The following PTPRN2 variants were observed in gnomAD, a reference collection of about 807,000 sequenced individuals.
PTPRN2 encodes the protein protein tyrosine phosphatase receptor type N2, also known as receptor-type tyrosine-protein phosphatase N2.
In PTPRN2, 74 loss-of-function variants were observed where a neutral mutation model predicts 118.8. The observed-to-expected ratio is 0.62, with a 90% CI of 0.52 to 0.76. The LOEUF is 0.76. Ranked by LOEUF, PTPRN2 falls within the 30% of genes least tolerant of loss-of-function variation. The pLI is 0.00. For synonymous variants in PTPRN2, 641 were observed against 608.0 expected (o/e 1.05, Z -0.80); for missense variants, 1,481 against 1,394.4 (o/e 1.06, Z -0.99).
intron 1 of PTPRN2, among the ~76,000 whole-genome samples, chr7:158,540,691 CG>C (rs1378624333): frequency 6.6e-6 from 1 of 152,196 alleles, no homozygotes; most frequent in Non-Finnish European, 1.5e-5. Context: ...CAGGGCCCAC[CG>C]TGTGTGTCTG....
chr7:158,402,647 T>C (rs1181859327), intron 2 of PTPRN2, among the ~76,000 whole-genome samples: 1 of 152,206 alleles, frequency 6.6e-6, no homozygotes, highest in African/African-American at 2.4e-5. Context: ...CCATGCGGCC[T>C]TGGGCAAGCC....
chr7:158,140,114 A>C (rs1819236035), intron 6 of PTPRN2, among the ~76,000 whole-genome samples: 1 of 152,224 alleles, frequency 6.6e-6, no homozygotes, highest in African/African-American at 2.4e-5. Context: ...TTATCTAAAA[A>C]ACAACTGATT....
Position 157,674,557 on chromosome 7 carries a change from T to C in PTPRN2, c.2001+8168A>G, listed in dbSNP as rs920375848. On this transcript the variant is annotated intron_variant, in intron 13 of 22. Coordinates refer to ENST00000389418, the MANE Select transcript of PTPRN2 (RefSeq NM_002847.5). The surrounding 1 kb of genome is among the most constrained non-coding windows in gnomAD (Gnocchi z 4.5). Reference sequence around the variant, plus strand: ...GCCTCCTTTTATGCCGGTGTACGTGTTGTGTTAAGAGCTGGGCTTTGCCAT... The same window carrying C: ...GCCTCCTTTTATGCCGGTGTACGTGCTGTGTTAAGAGCTGGGCTTTGCCAT... 1.3e-5 allele frequency among the ~76,000 whole-genome samples: 2 copies of C among 152,094 alleles called. No individual in the cohort carries two copies. Among genetic ancestry groups the C allele is most frequent in the Non-Finnish European group, 2.9e-5 (2 of 68,006 alleles).
At chr7:158,130,418 ACACT>A (rs1210450149) in intron 9 of PTPRN2, among the ~76,000 whole-genome samples, 42 of 149,160 alleles carry the variant, frequency 2.8e-4, no homozygotes, top group East Asian at 2.4e-3. Flanking sequence ...ACACTCATAC[ACACT>A]CACACACACA....
intron 12 of PTPRN2, among the ~76,000 whole-genome samples, chr7:157,720,626 C>T (rs1799181176): frequency 6.6e-6 from 1 of 152,248 alleles, no homozygotes; most frequent in African/African-American, 2.4e-5. Flanking sequence ...ATGTGGCTTC[C>T]ACGAGCTACC....
In PTPRN2 at chr7:157,717,069, A is replaced by ACTGCCTGGCCACGTAGACTCTGCG. The variant is rs1563032551; in HGVS notation, c.1789-34133_1789-34132insCGCAGAGTCTACGTGGCCAGGCAG. On this transcript the variant is annotated intron_variant, in intron 12 of 22. Transcript: ENST00000389418. ...CACTGCCTGGCCACGTAGACTCTGC[A>ACTGCCTGGCCACGTAGACTCTGCG]GGAACACTGCCTGGCCACTTAGACT... Among the ~76,000 whole-genome samples the ACTGCCTGGCCACGTAGACTCTGCG allele has an allele frequency of 2.2e-3, 197 of 90,360 alleles. 33 individuals are homozygous for ACTGCCTGGCCACGTAGACTCTGCG. The highest frequency in any genetic ancestry group is 5.6e-3 in the Middle Eastern group (1 of 178). The allele number at this position is 90,360 out of a possible 152,430, so 59.3% of individuals were successfully genotyped here. A position where few individuals can be genotyped will look rare whatever the true frequency, so the allele number is the denominator to read the frequency against.
chr7:158,314,383 C>G (rs1018833479), intron 3 of PTPRN2, among the ~76,000 whole-genome samples: 2 of 152,242 alleles, frequency 1.3e-5, no homozygotes, highest in Admixed American at 1.3e-4. Flanking sequence ...GAAAATGTGA[C>G]ACAGTTGAAT....
intron 2 of PTPRN2, among the ~76,000 whole-genome samples, chr7:158,329,144 T>A (rs1050640262): frequency 6.6e-6 from 1 of 152,056 alleles, no homozygotes; most frequent in African/African-American, 2.4e-5. Flanking sequence ...AGCCACAGCT[T>A]GAGGGTGTGA....
intron 5 of PTPRN2, among the ~76,000 whole-genome samples, chr7:158,180,566 C>T (rs1169345162): frequency 2.6e-5 from 4 of 152,202 alleles, no homozygotes; most frequent in African/African-American, 9.6e-5. Flanking sequence ...TTCTTCCAAT[C>T]CATAAGCATG....
In PTPRN2 at chr7:157,583,783, G is replaced by C. The variant is rs1406336763; in HGVS notation, c.2497-5643C>G. On this transcript the variant is annotated intron_variant, in intron 17 of 22. Coordinates refer to ENST00000389418, the MANE Select transcript of PTPRN2 (RefSeq NM_002847.5). This position sits in a 1 kb window ranked among gnomAD's most constrained non-coding sequence, Gnocchi z 5.5. ...TGTAATCCCAGCTACTCAGGAGGCT[G>C]AGGCAGGAGAACTGCTTGTGCCTGG... Among the ~76,000 whole-genome samples the C allele has an allele frequency of 6.6e-6, 1 of 152,188 alleles. No individual in the cohort carries two copies. Among genetic ancestry groups the C allele is most frequent in the East Asian group, 1.9e-4 (1 of 5,188 alleles).
intron 1 of PTPRN2, chr7:158,532,941 C>A (rs1185169013): frequency 7.7e-6 from 3 of 389,478 alleles, no homozygotes; most frequent in East Asian, 1.3e-4. Flanking sequence ...CCTCTCTCTA[C>A]CAAGCCAGGG....
chr7:157,943,148 C>T (rs1421495516), intron 11 of PTPRN2, among the ~76,000 whole-genome samples: 3 of 152,200 alleles, frequency 2.0e-5, no homozygotes, highest in African/African-American at 4.8e-5. Context: ...GAGGAGTTCT[C>T]GAGACCCAAG....
intron 2 of PTPRN2, among the ~76,000 whole-genome samples, chr7:158,381,026 G>A (rs897456874): frequency 1.3e-5 from 2 of 152,248 alleles, no homozygotes; most frequent in African/African-American, 4.8e-5. Flanking sequence ...ACACAGCATG[G>A]GGACCCTGGG....
At chr7:158,327,868 C>G (rs983043352) in intron 2 of PTPRN2, among the ~76,000 whole-genome samples, 1 of 152,142 alleles carries the variant, frequency 6.6e-6, no homozygotes, top group Admixed American at 6.5e-5. Flanking sequence ...AGGGTTCCCT[C>G]GGTCCCATGG....
intron 2 of PTPRN2, among the ~76,000 whole-genome samples, chr7:158,405,612 T>C (rs979748533): frequency 9.2e-5 from 14 of 152,272 alleles, no homozygotes; most frequent in Admixed American, 3.9e-4. Context: ...TATCCAGTTA[T>C]GTGGTATCAG....
At chr7:158,304,930 A>G (rs1443420894) in intron 3 of PTPRN2, among the ~76,000 whole-genome samples, 3 of 152,266 alleles carry the variant, frequency 2.0e-5, no homozygotes, top group Non-Finnish European at 2.9e-5. Context: ...CAGGAGAGAC[A>G]GCTTTGCAAG....
At position 158,012,722 on chromosome 7, in the gene PTPRN2, T is replaced by C. The variant is rs187035374; in HGVS notation, c.1723+68576A>G. Among the ~76,000 whole-genome samples the C allele has an allele frequency of 2.6e-5, 4 of 152,332 alleles. No individual in the cohort carries two copies. The East Asian group carries it at 5.8e-4, about 22-fold the overall frequency. On this transcript the variant is annotated intron_variant, in intron 11 of 22. Coordinates refer to ENST00000389418, the MANE Select transcript of PTPRN2 (RefSeq NM_002847.5). ...TCCCAGGTCACCTCTTGGACCATGG[T>C]GTAGCATCAGCTCCGGCCATCACAT...
rs557117036 is a variant in PTPRN2, at chr7:157,688,310, G to A, written c.1789-5373C>T. Among the ~76,000 whole-genome samples the A allele has an allele frequency of 3.9e-5, 6 of 152,342 alleles. No individual in the cohort carries two copies. In the South Asian group the frequency reaches 1.2e-3, roughly 32 times the overall value. ...AACATCAGTTTTAAAGAAATACTGT[G>A]TTTTAAGACATCAGGGAAGATTTAT... On this transcript the variant is annotated intron_variant, in intron 12 of 22. Transcript: ENST00000389418.
chr7:158,290,969 T>C (rs1431987723), intron 3 of PTPRN2, among the ~76,000 whole-genome samples: 1 of 152,194 alleles, frequency 6.6e-6, no homozygotes, highest in Non-Finnish European at 1.5e-5. Context: ...GAGCATCTGA[T>C]TCTTTAAGAA....
Sources: allele counts gnomAD v4.1 joint callset (sites outside exome capture counted in the v4.1 genomes callset), GRCh38; gene constraint gnomAD v4.1.1; non-coding constraint Gnocchi (gnomAD v3.1); transcripts MANE v1.5; gene names NCBI Gene and HGNC (gene_info 2026-07-23, HGNC 2026-07-21).